ACSL4: variants seen among roughly 807,000 people sequenced by gnomAD.
ACSL4 encodes acyl-CoA synthetase long chain family member 4, also known as long-chain-fatty-acid--CoA ligase 4.
A neutral mutation model predicts 49.1 loss-of-function variants in ACSL4; 9 were observed. The observed-to-expected ratio is 0.18, with a 90% CI of 0.11 to 0.32. The LOEUF (loss-of-function observed/expected upper bound fraction) is 0.32, where lower values mean the gene tolerates loss of function less well. Ranked by LOEUF, ACSL4 falls within the 10% of genes least tolerant of loss-of-function variation. The pLI, the probability that ACSL4 is intolerant of heterozygous loss-of-function variation, is 1.00. For missense variants in ACSL4, 333 were observed against 493.7 expected, an observed-to-expected ratio of 0.67 and a Z score of 3.08; for synonymous variants, 191 against 170.3, an observed-to-expected ratio of 1.12 and a Z score of -0.95.
At chrX:109,665,576 CCAGAGT>C (rs1922563256) in intron 11 of ACSL4, 82 bp from the exon 12 acceptor site, 1 of 840,521 alleles carries the variant, frequency 1.2e-6, no homozygotes, top group Admixed American at 2.3e-5. Flanking sequence ...AGAGTTAGAA[CCAGAGT>C]CAGAAAAATG....
chrX:109,733,189 G>A lies in ACSL4; in HGVS notation c.-116C>T, dbSNP rs1201286819. On this transcript the variant is annotated 5_prime_UTR_variant, in exon 1 of 16. Transcript: ENST00000672401. ...GCAGCCGGCCGGCGCCTGGCACTCG[G>A]AAAGCTCGCAAAAAGGAACCGCGTG... 6.1e-6 allele frequency: 2 copies of A among 327,346 alleles called. No homozygotes were observed. The highest frequency in any genetic ancestry group is 1.2e-5 in the Non-Finnish European group (2 of 168,910). The allele number at this position is 327,346 out of a possible 1,213,427, so 27.0% of individuals were successfully genotyped here. A position where few individuals can be genotyped will look rare whatever the true frequency, so the allele number is the denominator to read the frequency against.
At chrX:109,678,541 C>G (rs1923916553) in intron 6 of ACSL4, 126 bp from the exon 7 acceptor site, 3 of 859,673 alleles carry the variant, frequency 3.5e-6, no homozygotes, top group Admixed American at 2.6e-5. Flanking sequence ...TTTAAATCAT[C>G]AAAACGAGCT....
At chrX:109,668,295 G>A (rs1429380415) in intron 10 of ACSL4, 22 bp from the exon 11 acceptor site, 1 of 1,164,619 alleles carries the variant, frequency 8.6e-7, no homozygotes, top group South Asian at 1.9e-5. Flanking sequence ...GAGGATAAAT[G>A]ATTTTAATGT....
chrX:109,717,686 A>G (rs1253901888), intron 1 of ACSL4, among the ~76,000 whole-genome samples: 1 of 111,101 alleles, frequency 9.0e-6, no homozygotes, highest in African/African-American at 3.3e-5. Flanking sequence ...AGCAAGGGAA[A>G]AAAATGGTCT....
intron 15 of ACSL4, among the ~76,000 whole-genome samples, chrX:109,648,395 A>G (rs1934838766): frequency 8.9e-6 from 1 of 112,115 alleles, no homozygotes; most frequent in Admixed American, 9.4e-5. Context: ...AATGTAATCC[A>G]GTATATAAAC....
intron 1 of ACSL4, among the ~76,000 whole-genome samples, chrX:109,732,261 G>A (rs1264060791): frequency 8.9e-6 from 1 of 111,951 alleles, no homozygotes; most frequent in Non-Finnish European, 1.9e-5. Context: ...GGTGAAAAGA[G>A]CGAATAGAGC....
At chrX:109,673,813 C>T (rs1603403870) in intron 9 of ACSL4, among the ~76,000 whole-genome samples, 1 of 111,991 alleles carries the variant, frequency 8.9e-6, no homozygotes, top group Middle Eastern at 4.6e-3. Flanking sequence ...TATTTGATTA[C>T]ACAAATCTGA....
In ACSL4 at chrX:109,659,410, T is replaced by C. The variant is rs1921978413; in HGVS notation, c.1799A>G (p.Asn600Ser). The C allele has an allele frequency of 8.3e-7, 1 of 1,209,445 alleles. No individual in the cohort carries two copies. The highest frequency in any genetic ancestry group is 1.1e-6 in the Non-Finnish European group (1 of 893,669). ...GVEGTWVDIC[N>S]NPAMEAEILK... is the part of the protein sequence containing the mutation. Reference sequence around the variant, plus strand: ...TATTTCAGCTTCCATAGCAGGATTATTGCAGATATCAACCCAAGTTCCTTC... The same window carrying C: ...TATTTCAGCTTCCATAGCAGGATTACTGCAGATATCAACCCAAGTTCCTTC... The change falls in exon 15 of 16, where the codon AAT becomes AGT. Residue 600 changes from asparagine to serine, a missense_variant. This residue lies in a region of ACSL4 where 175 missense variants were observed against 275.8 expected (regional missense o/e 0.63). Transcript: ENST00000672401.
chrX:109,718,549 G>A (rs1192553143), intron 1 of ACSL4, among the ~76,000 whole-genome samples: 3 of 111,936 alleles, frequency 2.7e-5, no homozygotes, highest in Non-Finnish European at 5.6e-5. Context: ...GAGCTCACAA[G>A]TTGGAGACCT....
intron 2 of ACSL4, among the ~76,000 whole-genome samples, chrX:109,690,757 TAG>T (rs1491253475): frequency 7.9e-5 from 7 of 88,575 alleles, no homozygotes; most frequent in African/African-American, 2.1e-4. Context: ...TAAGACATTT[TAG>T]GGGGGGGGGG....
chrX:109,696,726 T>C (rs907175812), intron 1 of ACSL4, among the ~76,000 whole-genome samples: 4 of 113,000 alleles, frequency 3.5e-5, no homozygotes, highest in African/African-American at 6.4e-5. Flanking sequence ...AAACACATCA[T>C]TTTTGTGACA....
chrX:109,654,313 C>G (rs1921446634), intron 15 of ACSL4, among the ~76,000 whole-genome samples: 1 of 110,925 alleles, frequency 9.0e-6, no homozygotes, highest in African/African-American at 3.3e-5. Context: ...TTTTTACTTC[C>G]TTCTTTGTAA....
intron 15 of ACSL4, among the ~76,000 whole-genome samples, chrX:109,658,263 T>G (rs1441487211): frequency 2.7e-5 from 3 of 111,099 alleles, no homozygotes; most frequent in Non-Finnish European, 5.7e-5. Context: ...GTGTGCCAAT[T>G]TTGCTTCATA....
At chrX:109,731,012 C>T (rs1341538683) in intron 1 of ACSL4, among the ~76,000 whole-genome samples, 3 of 111,540 alleles carry the variant, frequency 2.7e-5, no homozygotes, top group Non-Finnish European at 5.6e-5. Context: ...AAAAATAGTG[C>T]GGTATAACAC....
chrX:109,719,712 G>A (rs1235089428), intron 1 of ACSL4, among the ~76,000 whole-genome samples: 2 of 112,289 alleles, frequency 1.8e-5, no homozygotes, highest in African/African-American at 6.5e-5. Context: ...TCCGCCGGGC[G>A]TGGTGGCTCA....
At chrX:109,689,762 T>C (rs1924904313) in intron 2 of ACSL4, among the ~76,000 whole-genome samples, 1 of 112,329 alleles carries the variant, frequency 8.9e-6, no homozygotes, top group South Asian at 3.6e-4. Context: ...GTTATTTTTT[T>C]CCTGAGTACT....
At chrX:109,723,919 C>T (rs1927756072) in intron 1 of ACSL4, among the ~76,000 whole-genome samples, 1 of 112,274 alleles carries the variant, frequency 8.9e-6, no homozygotes, top group Admixed American at 9.5e-5. Context: ...TTACATTTCC[C>T]TAATAACCAG....
rs183473905 is a variant in ACSL4, at chrX:109,668,285, G to A, written c.1143-12C>T. On this transcript the variant is annotated splice_polypyrimidine_tract_variant and intron_variant, in intron 10 of 15. Coordinates refer to ENST00000672401, the MANE Select transcript of ACSL4 (RefSeq NM_001318510.2). Reference sequence around the variant, plus strand: ...TTTTAAACAGTAACCTTAATAAAGGGAGGATAAATGATTTTAATGTACGCA... The same window carrying A: ...TTTTAAACAGTAACCTTAATAAAGGAAGGATAAATGATTTTAATGTACGCA... 587 of 1,179,827 alleles carry A rather than the reference G, an allele frequency of 5.0e-4. 4 individuals carry two copies. In the African/African-American group the frequency reaches 8.4e-3, roughly 17 times the overall value.
intron 1 of ACSL4, among the ~76,000 whole-genome samples, chrX:109,719,980 C>T (rs947439594): frequency 2.8e-5 from 3 of 106,768 alleles, no homozygotes; most frequent in African/African-American, 1.0e-4. Context: ...GCAACAAGAG[C>T]AAAACTCCAT....
Sources: gnomAD v4.1 joint callset for allele counts (sites outside exome capture counted in the v4.1 genomes callset) on GRCh38, gnomAD v4.1.1 for gene constraint, gnomAD v4.1.1 regional missense constraint, MANE v1.5 for transcripts, NCBI Gene and HGNC (gene_info 2026-07-23, HGNC 2026-07-21) for gene names.